The following MAGI2 variants were observed in gnomAD, a reference collection of about 807,000 sequenced individuals.
MAGI2 encodes the protein membrane associated guanylate kinase, WW and PDZ domain containing 2.
MAGI2 carries 35 observed loss-of-function variants against 133.3 expected under a neutral mutation model. The ratio of observed to expected loss-of-function variants is 0.26; its 90% CI spans 0.20 to 0.35. The LOEUF (loss-of-function observed/expected upper bound fraction) is 0.35. MAGI2 is among the 10% of genes least tolerant of loss of function. The pLI, the probability that MAGI2 is intolerant of heterozygous loss-of-function variation, is 1.00. For missense variants in MAGI2, 1,636 were observed against 1,863.4 expected (o/e 0.88, Z 2.25); for synonymous variants, 729 against 710.6 (o/e 1.03, Z -0.41).
At chr7:79,209,958 C>A (rs191992344) in intron 1 of MAGI2, among the ~76,000 whole-genome samples, 94 of 152,022 alleles carry the variant, frequency 6.2e-4, no homozygotes, top group Admixed American at 1.2e-3. Flanking sequence ...AATAAGCATA[C>A]AGTTTACATT....
intron 1 of MAGI2, among the ~76,000 whole-genome samples, chr7:79,334,948 C>T (rs773400014): frequency 5.9e-5 from 9 of 151,946 alleles, no homozygotes; most frequent in African/African-American, 9.7e-5. Context: ...AAATGTGGTC[C>T]GAAAGGAGTG....
chr7:79,000,532 C>T (rs772512379), intron 2 of MAGI2, among the ~76,000 whole-genome samples: 1 of 152,134 alleles, frequency 6.6e-6, no homozygotes, highest in African/African-American at 2.4e-5. Flanking sequence ...ACGAGCCTCA[C>T]TCTAACAGTC....
intron 1 of MAGI2, among the ~76,000 whole-genome samples, chr7:79,307,003 G>A (rs1284366077): frequency 2.0e-5 from 3 of 151,862 alleles, no homozygotes; most frequent in African/African-American, 7.3e-5. Flanking sequence ...TTTCTTTTTT[G>A]TATTTTTACT....
At chr7:79,058,510 T>C (rs1194327149) in intron 1 of MAGI2, among the ~76,000 whole-genome samples, 3 of 152,086 alleles carry the variant, frequency 2.0e-5, no homozygotes, top group African/African-American at 7.2e-5. Flanking sequence ...GGCAGATCAG[T>C]GGGTAATACT....
intron 14 of MAGI2, among the ~76,000 whole-genome samples, chr7:78,169,069 G>T (rs937591872): frequency 5.3e-5 from 8 of 152,160 alleles, no homozygotes; most frequent in African/African-American, 1.9e-4. Context: ...ACCCGTCTAG[G>T]AAATGTGGTT....
chr7:78,568,622 C>A (rs1480417271), intron 3 of MAGI2, among the ~76,000 whole-genome samples: 2 of 152,166 alleles, frequency 1.3e-5, no homozygotes, highest in African/African-American at 2.4e-5. Context: ...GGTTCCACAA[C>A]CAGCTTCTGA....
At chr7:78,513,375 A>G (rs1377674945) in intron 4 of MAGI2, among the ~76,000 whole-genome samples, 1 of 152,186 alleles carries the variant, frequency 6.6e-6, no homozygotes, top group Non-Finnish European at 1.5e-5. Flanking sequence ...GTGCTCAGAG[A>G]GACCTTATGC....
intron 2 of MAGI2, among the ~76,000 whole-genome samples, chr7:78,793,751 T>A (rs907946213): frequency 2.6e-5 from 4 of 152,186 alleles, no homozygotes; most frequent in Non-Finnish European, 4.4e-5. Flanking sequence ...AGAACAAAAG[T>A]AAAAATATCT....
At chr7:79,304,758 T>C (rs1837656157) in intron 1 of MAGI2, among the ~76,000 whole-genome samples, 1 of 152,234 alleles carries the variant, frequency 6.6e-6, no homozygotes, top group African/African-American at 2.4e-5. Flanking sequence ...TCAAGTGCTA[T>C]GGCCATCTCT....
intron 1 of MAGI2, among the ~76,000 whole-genome samples, chr7:79,246,647 T>C (rs1047480069): frequency 2.0e-5 from 3 of 151,904 alleles, no homozygotes; most frequent in African/African-American, 7.3e-5. Flanking sequence ...GAAGTATGAC[T>C]ATAAATCTAG....
At chr7:78,042,457 G>C (rs1381357859) in intron 21 of MAGI2, among the ~76,000 whole-genome samples, 1 of 152,172 alleles carries the variant, frequency 6.6e-6, no homozygotes, top group Non-Finnish European at 1.5e-5. Context: ...GTTATAGGCT[G>C]ATCAAGAGGG....
intron 21 of MAGI2, among the ~76,000 whole-genome samples, chr7:78,045,405 G>A (rs1429434081): frequency 2.0e-5 from 3 of 151,880 alleles, no homozygotes; most frequent in Non-Finnish European, 2.9e-5. Context: ...CTAGCCATTG[G>A]GAATATGAAA....
chr7:79,443,651 G>A (rs147522801), intron 1 of MAGI2, among the ~76,000 whole-genome samples: 1 of 152,040 alleles, frequency 6.6e-6, no homozygotes, highest in South Asian at 2.1e-4. Context: ...GTATGCAATT[G>A]TTTTTGTATT....
chr7:78,254,839 G>C (rs967358360), intron 10 of MAGI2: 1 of 152,166 alleles, frequency 6.6e-6, no homozygotes, highest in Non-Finnish European at 1.5e-5. Flanking sequence ...GTTCCTCATT[G>C]TCCTGTTCCT....
At chr7:78,447,080 C>G (rs1397709499) in intron 6 of MAGI2, among the ~76,000 whole-genome samples, 1 of 152,036 alleles carries the variant, frequency 6.6e-6, no homozygotes, top group African/African-American at 2.4e-5. Context: ...GAGAGACTAT[C>G]TGTATATTCA....
At chr7:79,397,663 C>G (rs1243309115) in intron 1 of MAGI2, among the ~76,000 whole-genome samples, 1 of 152,048 alleles carries the variant, frequency 6.6e-6, no homozygotes, top group Non-Finnish European at 1.5e-5. Flanking sequence ...ATGACTATCT[C>G]ATATACTTGT....
Position 78,386,470 on chromosome 7 carries a change from A to G in MAGI2, c.1046-17257T>C, listed in dbSNP as rs528313116. ...TGCAAGGTTTCCTGATGCCTAAAAC[A>G]TCAGGAAAATTCTTGGAGAGCACTT... On this transcript the variant is annotated intron_variant, in intron 6 of 21. Transcript: ENST00000354212. Among the ~76,000 whole-genome samples, 6 of 152,284 alleles carry G rather than the reference A, an allele frequency of 3.9e-5. No individual in the cohort carries two copies. The East Asian group carries it at 5.8e-4, about 15-fold the overall frequency.
chr7:78,566,464 T>C (rs1257102395), intron 3 of MAGI2, among the ~76,000 whole-genome samples: 1 of 150,216 alleles, frequency 6.7e-6, no homozygotes, highest in Non-Finnish European at 1.5e-5. Context: ...TGAATTTCAC[T>C]GGTGAGAGAG....
At chr7:78,601,738 C>T (rs980739389) in intron 3 of MAGI2, among the ~76,000 whole-genome samples, 4 of 152,152 alleles carry the variant, frequency 2.6e-5, no homozygotes, top group African/African-American at 7.2e-5. Flanking sequence ...CAAATCTGTA[C>T]ACTTTGCAAT....
Sources: gnomAD v4.1 joint callset for allele counts (sites outside exome capture counted in the v4.1 genomes callset) on GRCh38, gnomAD v4.1.1 for gene constraint, MANE v1.5 for transcripts, NCBI Gene and HGNC (gene_info 2026-07-23, HGNC 2026-07-21) for gene names.